The following MAGI1 variants were observed in gnomAD, a reference collection of about 807,000 sequenced individuals.
The protein encoded by MAGI1 is membrane-associated guanylate kinase, WW and PDZ domain-containing protein 1.
Under a neutral mutation model 139.9 loss-of-function variants are expected in MAGI1, and 58 were observed. The observed-to-expected ratio is 0.41, with a 90% CI of 0.34 to 0.52. The LOEUF (loss-of-function observed/expected upper bound fraction) is 0.52, where lower values mean the gene tolerates loss of function less well. Ranked by LOEUF, MAGI1 falls within the 20% of genes least tolerant of loss-of-function variation. The pLI is 0.12. For synonymous variants in MAGI1, 812 were observed against 737.9 expected, an observed-to-expected ratio of 1.10 and a Z score of -1.63; for missense variants, 1,874 against 1,901.6, an observed-to-expected ratio of 0.99 and a Z score of 0.27.
intron 1 of MAGI1, among the ~76,000 whole-genome samples, chr3:65,802,797 C>T (rs941447515): frequency 6.6e-6 from 1 of 151,318 alleles, no homozygotes; most frequent in Non-Finnish European, 1.5e-5. Flanking sequence ...ATTTTCCTTC[C>T]ATGGTGACTT....
intron 2 of MAGI1, among the ~76,000 whole-genome samples, chr3:65,526,064 T>C (rs2078363494): frequency 6.6e-6 from 1 of 152,210 alleles, no homozygotes; most frequent in Admixed American, 6.5e-5. Flanking sequence ...AAATAACTCA[T>C]GGTAAATTCT....
intron 2 of MAGI1, chr3:65,533,035 C>G (rs2078790706): frequency 1.3e-5 from 2 of 152,216 alleles, no homozygotes; most frequent in Non-Finnish European, 1.5e-5. Context: ...CTGCCTCCTT[C>G]CACCTAAAGA....
chr3:65,418,360 T>C (rs1946385789), intron 12 of MAGI1, among the ~76,000 whole-genome samples: 1 of 152,160 alleles, frequency 6.6e-6, no homozygotes, highest in Non-Finnish European at 1.5e-5. Flanking sequence ...AGAACAAGAA[T>C]GGGTCAAATG....
intron 5 of MAGI1, among the ~76,000 whole-genome samples, chr3:65,460,291 G>C (rs1295096665): frequency 6.6e-6 from 1 of 152,158 alleles, no homozygotes; most frequent in Non-Finnish European, 1.5e-5. Context: ...TTTTGTTAAA[G>C]ATTTTTGCAT....
At chr3:65,466,491 T>C (rs981887655) in intron 5 of MAGI1, among the ~76,000 whole-genome samples, 2 of 152,086 alleles carry the variant, frequency 1.3e-5, no homozygotes, top group Non-Finnish European at 2.9e-5. Context: ...TGGGTGGGGA[T>C]AGTGGCTTGA....
chr3:65,852,162 A>G (rs990028170), intron 1 of MAGI1, among the ~76,000 whole-genome samples: 1 of 152,194 alleles, frequency 6.6e-6, no homozygotes, highest in Non-Finnish European at 1.5e-5. Context: ...ATCACTACCT[A>G]TATCTGTCCT....
At chr3:66,026,450 A>G (rs562909587) in intron 1 of MAGI1, among the ~76,000 whole-genome samples, 1 of 152,152 alleles carries the variant, frequency 6.6e-6, no homozygotes, top group African/African-American at 2.4e-5. Flanking sequence ...ACAAGATCTC[A>G]GACAATTTTT....
At chr3:66,027,265 CAAAT>C (rs201338759) in intron 1 of MAGI1, among the ~76,000 whole-genome samples, 13,696 of 68,678 alleles carry the variant, frequency 0.2, 701 homozygotes, top group East Asian at 0.28. Context: ...GACTCCGTCT[CAAAT>C]AAATAAATAA....
At chr3:65,871,348 A>T (rs2059933086) in intron 1 of MAGI1, among the ~76,000 whole-genome samples, 1 of 152,168 alleles carries the variant, frequency 6.6e-6, no homozygotes, top group African/African-American at 2.4e-5. Flanking sequence ...TGTGGGAGAG[A>T]AGAATGCATG....
At chr3:65,597,925 T>TGGG (rs57059846) in intron 2 of MAGI1, 60 of 396,964 alleles carry the variant, frequency 1.5e-4, no homozygotes, top group African/African-American at 3.9e-4. Flanking sequence ...GAGGCGGGGG[T>TGGG]GGGGGGGGGG....
chr3:65,883,284 C>T (rs868598899), intron 1 of MAGI1, among the ~76,000 whole-genome samples: 22 of 152,118 alleles, frequency 1.4e-4, no homozygotes, highest in African/African-American at 5.1e-4. Context: ...TTTTGTGTTA[C>T]CTAAACAAGT....
At chr3:65,727,000 C>T (rs2107713226) in intron 1 of MAGI1, among the ~76,000 whole-genome samples, 1 of 150,964 alleles carries the variant, frequency 6.6e-6, no homozygotes, top group East Asian at 1.9e-4. Context: ...CACTTCTGGT[C>T]CCAAGCATTC....
intron 15 of MAGI1, 24 bp from the exon 16 acceptor site, chr3:65,382,093 T>A: frequency 6.4e-7 from 1 of 1,564,016 alleles, no homozygotes; most frequent in Non-Finnish European, 8.7e-7. Context: ...GAACGATGGA[T>A]GAAACATTGC....
At chr3:65,731,677 AAAAG>A (rs1432942603) in intron 1 of MAGI1, among the ~76,000 whole-genome samples, 3 of 149,850 alleles carry the variant, frequency 2.0e-5, no homozygotes, top group South Asian at 2.1e-4. Flanking sequence ...AAAAAAAAAA[AAAAG>A]AAAGAAAGAA....
At chr3:65,664,194 C>A (rs759755354) in intron 1 of MAGI1, among the ~76,000 whole-genome samples, 6 of 152,040 alleles carry the variant, frequency 3.9e-5, no homozygotes, top group Non-Finnish European at 4.4e-5. Flanking sequence ...ATAACAGGTT[C>A]GCCAAGAAAT....
chr3:65,464,650 T>C (rs1054836166), intron 5 of MAGI1, among the ~76,000 whole-genome samples: 2 of 152,156 alleles, frequency 1.3e-5, no homozygotes, highest in African/African-American at 2.4e-5. Flanking sequence ...AACATACCTA[T>C]ATTGCTACAT....
At chr3:65,797,951 G>A (rs1394795081) in intron 1 of MAGI1, among the ~76,000 whole-genome samples, 4 of 152,116 alleles carry the variant, frequency 2.6e-5, no homozygotes, top group Non-Finnish European at 5.9e-5. Flanking sequence ...TGGAGCAACA[G>A]CCCTTGAAAG....
At chr3:65,518,959 A>T (rs1174518025) in intron 2 of MAGI1, among the ~76,000 whole-genome samples, 1 of 152,108 alleles carries the variant, frequency 6.6e-6, no homozygotes, top group Non-Finnish European at 1.5e-5. Flanking sequence ...TTACATGATG[A>T]GGGAATTCCT....
At chr3:65,807,150 G>C (rs1266271817) in intron 1 of MAGI1, among the ~76,000 whole-genome samples, 1 of 152,232 alleles carries the variant, frequency 6.6e-6, no homozygotes, top group African/African-American at 2.4e-5. Context: ...CACACAGTAA[G>C]ATGCTGTCCT....
Sources: gnomAD v4.1 joint callset for allele counts (sites outside exome capture counted in the v4.1 genomes callset) on GRCh38, gnomAD v4.1.1 for gene constraint, MANE v1.5 for transcripts, NCBI Gene and HGNC (gene_info 2026-07-23, HGNC 2026-07-21) for gene names.